The following ADAM12 variants were observed in gnomAD, a reference collection of about 807,000 sequenced individuals.
ADAM12 encodes the protein ADAM metallopeptidase domain 12, also known as disintegrin and metalloproteinase domain-containing protein 12.
Under a neutral mutation model 106.4 loss-of-function variants are expected in ADAM12, and 70 were observed. The observed-to-expected ratio is 0.66, with a 90% confidence interval of 0.54 to 0.80. The LOEUF is 0.80. Ranked by LOEUF, ADAM12 falls within the 30% of genes least tolerant of loss-of-function variation. ADAM12 has a pLI of 0.00. For missense variants in ADAM12, 1,010 were observed against 1,171.9 expected (o/e 0.86, Z 2.02); for synonymous variants, 420 against 433.5 (o/e 0.97, Z 0.39).
At chr10:126,340,057 A>G (rs7089715) in intron 1 of ADAM12, among the ~76,000 whole-genome samples, 80,107 of 151,640 alleles carry the variant, frequency 0.53, 21,640 homozygotes, top group Middle Eastern at 0.63. Context: ...GTTTCACCAC[A>G]TTGGCCAGCA....
At chr10:126,359,129 A>G (rs1018105280) in intron 1 of ADAM12, among the ~76,000 whole-genome samples, 2 of 152,074 alleles carry the variant, frequency 1.3e-5, no homozygotes, top group East Asian at 1.9e-4. Context: ...TCACCAGAAC[A>G]GCATGGGAAT....
At chr10:126,097,965 G>A (rs1025559952) in intron 10 of ADAM12, among the ~76,000 whole-genome samples, 4 of 152,212 alleles carry the variant, frequency 2.6e-5, no homozygotes, top group African/African-American at 9.7e-5. Context: ...TAAAGCATTT[G>A]CAGTGGTAAA....
intron 1 of ADAM12, among the ~76,000 whole-genome samples, chr10:126,335,522 C>T (rs1434641034): frequency 6.6e-6 from 1 of 152,194 alleles, no homozygotes; most frequent in Non-Finnish European, 1.5e-5. Flanking sequence ...AACTGAGCAG[C>T]TCCTTGTCTC....
Position 126,387,629 on chromosome 10 carries a change from C to CG in ADAM12, c.88+428dup, listed in dbSNP as rs558475827. ...CCCCTAAGTGTGTTAGCGGGGGAGG[C>CG]GGGGCTGGAAAGGAAACCTGGTGAA... On this transcript the variant is annotated intron_variant, in intron 1 of 22. Transcript: ENST00000448723. Among the ~76,000 whole-genome samples, 33 of 150,638 alleles carry CG rather than the reference C, an allele frequency of 2.2e-4. 1 individual carries two copies. In the East Asian group the frequency reaches 2.7e-3, roughly 12 times the overall value.
At chr10:126,021,823 T>C (rs7915652) in intron 21 of ADAM12, among the ~76,000 whole-genome samples, 2,757 of 152,258 alleles carry the variant, frequency 0.018, 78 homozygotes, top group East Asian at 0.11. Flanking sequence ...TAGCTGCTGC[T>C]GGATTACAAC....
At chr10:126,017,741 C>G (rs1296461256) in intron 22 of ADAM12, among the ~76,000 whole-genome samples, 1 of 152,140 alleles carries the variant, frequency 6.6e-6, no homozygotes. Context: ...TACAGTAAGA[C>G]TTTTACCAGG....
chr10:126,020,421 A>C (rs756048512), intron 21 of ADAM12, among the ~76,000 whole-genome samples: 7 of 152,142 alleles, frequency 4.6e-5, no homozygotes, highest in Non-Finnish European at 8.8e-5. Context: ...CTTTGTAAAC[A>C]CACTAAGGGG....
chr10:126,347,878 G>T (rs1054293856), intron 1 of ADAM12, among the ~76,000 whole-genome samples: 1 of 152,114 alleles, frequency 6.6e-6, no homozygotes, highest in African/African-American at 2.4e-5. Flanking sequence ...GTGGAGGCTG[G>T]GAGTCAGACA....
chr10:126,119,464 T>C (rs989893146), intron 5 of ADAM12, among the ~76,000 whole-genome samples: 2 of 152,236 alleles, frequency 1.3e-5, no homozygotes, highest in African/African-American at 4.8e-5. Flanking sequence ...AGGCATCTGT[T>C]AACAGGTTAA....
intron 3 of ADAM12, among the ~76,000 whole-genome samples, chr10:126,158,916 G>T (rs1956881202): frequency 6.6e-6 from 1 of 151,788 alleles, no homozygotes. Flanking sequence ...GATGCACAGA[G>T]CATGGAGGGG....
At chr10:126,032,187 C>G (rs1953983290) in intron 21 of ADAM12, among the ~76,000 whole-genome samples, 1 of 152,176 alleles carries the variant, frequency 6.6e-6, no homozygotes, top group South Asian at 2.1e-4. Context: ...ACAAATGAAG[C>G]AGGATTAGCT....
At chr10:126,057,495 C>T (rs1044588584) in intron 14 of ADAM12, among the ~76,000 whole-genome samples, 5 of 152,138 alleles carry the variant, frequency 3.3e-5, no homozygotes, top group Non-Finnish European at 4.4e-5. Flanking sequence ...ATGAGGAACA[C>T]GGATGTTTAA....
intron 3 of ADAM12, among the ~76,000 whole-genome samples, chr10:126,208,928 T>C (rs1957849259): frequency 6.6e-6 from 1 of 152,188 alleles, no homozygotes; most frequent in South Asian, 2.1e-4. Flanking sequence ...ATTGAGCTTT[T>C]TCCTCAGTTA....
At chr10:126,248,405 A>G (rs1958671895) in intron 3 of ADAM12, among the ~76,000 whole-genome samples, 2 of 152,102 alleles carry the variant, frequency 1.3e-5, no homozygotes, top group South Asian at 4.2e-4. Context: ...CAGGACACAC[A>G]ACTGCCACTA....
intron 3 of ADAM12, among the ~76,000 whole-genome samples, chr10:126,180,060 T>C (rs12357824): frequency 0.22 from 33,201 of 152,160 alleles, 4,324 homozygotes; most frequent in Middle Eastern, 0.31. Context: ...CCATATAATA[T>C]TGATACAATA....
rs1954163454 is a variant in ADAM12 at position 126,041,356 on chromosome 10, A to G, written c.2104+1684T>C. ...GTGGAGGCAGCGGTATTTCAAATGCACTCTATTTTATGCAGTAATGGCCAC... is the reference window on the plus strand; with the variant it reads ...GTGGAGGCAGCGGTATTTCAAATGCGCTCTATTTTATGCAGTAATGGCCAC... On this transcript the variant is annotated intron_variant, in intron 18 of 22. Coordinates refer to ENST00000448723, the MANE Select transcript of ADAM12 (RefSeq NM_001288973.2). 3.0e-6 allele frequency: 3 copies of G among 985,388 alleles called. No individual in the cohort carries two copies. In the African/African-American group the frequency reaches 5.3e-5, roughly 17 times the overall value. 61.0% of individuals were successfully genotyped at this position (985,388 alleles called of 1,614,324 possible). A position where few individuals can be genotyped will look rare whatever the true frequency, so the allele number is the denominator to read the frequency against.
rs199923779 is a variant in ADAM12, at chr10:126,203,927, T to TGC, written c.261-48624_261-48623dup. Among the ~76,000 whole-genome samples, 809 of 131,376 alleles carry TGC rather than the reference T, an allele frequency of 6.2e-3. 10 individuals are homozygous for TGC. Among genetic ancestry groups the TGC allele is most frequent in the East Asian group, 0.023 (113 of 4,896 alleles). The allele number at this position is 131,376 out of a possible 152,430, so 86.2% of individuals were successfully genotyped here. A position where few individuals can be genotyped will look rare whatever the true frequency, so the allele number is the denominator to read the frequency against. On this transcript the variant is annotated intron_variant, in intron 3 of 22. Coordinates refer to ENST00000448723, the MANE Select transcript of ADAM12 (RefSeq NM_001288973.2). ...GAGAAATCAAGCAAATCAGAGTGAGTGCGCGCGCGCGCGTGTGTGTGTGTG... is the reference window on the plus strand; with the variant it reads ...GAGAAATCAAGCAAATCAGAGTGAGTGCGCGCGCGCGCGCGTGTGTGTGTGTG...
rs76495340 is a variant in ADAM12 at position 126,125,949 on chromosome 10, C to T, written c.417-7725G>A. On this transcript the variant is annotated intron_variant, in intron 5 of 22. Transcript: ENST00000448723. ...AGGGATGGCCAGAAGCCACCCAAAG[C>T]GAGGAGGGAGATGTGGGAGGGATTC... 8.1e-4 allele frequency among the ~76,000 whole-genome samples: 123 copies of T among 151,860 alleles called. No homozygotes were observed. The East Asian group carries it at 0.021, about 25-fold the overall frequency.
intron 1 of ADAM12, among the ~76,000 whole-genome samples, chr10:126,361,962 C>T (rs925483017): frequency 2.0e-5 from 3 of 151,780 alleles, no homozygotes; most frequent in African/African-American, 7.3e-5. Flanking sequence ...AAAGCTTTCA[C>T]ACAATGAAGA....
Sources: gnomAD v4.1 joint callset for allele counts (sites outside exome capture counted in the v4.1 genomes callset) on GRCh38, gnomAD v4.1.1 for gene constraint, MANE v1.5 for transcripts, NCBI Gene and HGNC (gene_info 2026-07-23, HGNC 2026-07-21) for gene names.